NRXN3: variants seen among roughly 807,000 people sequenced by gnomAD.
NRXN3 encodes neurexin 3.
Under a neutral mutation model 137.6 loss-of-function variants are expected in NRXN3, and 32 were observed. The observed-to-expected ratio is 0.23, with a 90% CI of 0.18 to 0.31. The LOEUF (loss-of-function observed/expected upper bound fraction) is 0.31. NRXN3 is among the 10% of genes least tolerant of loss of function. The pLI is 1.00. For synonymous variants in NRXN3, 798 were observed against 784.5 expected (o/e 1.02, Z -0.29); for missense variants, 1,574 against 2,062.5 (o/e 0.76, Z 4.59).
chr14:78,451,879 T>C (rs2094560088), intron 4 of NRXN3, among the ~76,000 whole-genome samples: 1 of 152,242 alleles, frequency 6.6e-6, no homozygotes, highest in South Asian at 2.1e-4. Flanking sequence ...ATGTGCTAGA[T>C]CAAGTGGACA....
At chr14:79,053,897 A>G (rs1053893538) in intron 15 of NRXN3, among the ~76,000 whole-genome samples, 3 of 152,046 alleles carry the variant, frequency 2.0e-5, no homozygotes, top group African/African-American at 7.2e-5. Flanking sequence ...AAAGTCATGA[A>G]AAGATTTTAA....
chr14:79,766,722 A>G (rs557506872), intron 19 of NRXN3, among the ~76,000 whole-genome samples: 1 of 152,332 alleles, frequency 6.6e-6, no homozygotes, highest in African/African-American at 2.4e-5. Context: ...CTGGCGTCAA[A>G]CATTTCTTGA....
intron 6 of NRXN3, among the ~76,000 whole-genome samples, chr14:78,693,019 G>A (rs552285648): frequency 2.0e-5 from 3 of 152,054 alleles, no homozygotes; most frequent in African/African-American, 7.2e-5. Flanking sequence ...GGAGGTGGGG[G>A]TTGCAGTGAG....
chr14:78,465,190 A>T (rs1369297563), intron 4 of NRXN3, among the ~76,000 whole-genome samples: 1 of 152,070 alleles, frequency 6.6e-6, no homozygotes, highest in African/African-American at 2.4e-5. Flanking sequence ...ATTTCTAAAG[A>T]TGTATTAAAA....
intron 19 of NRXN3, among the ~76,000 whole-genome samples, chr14:79,713,478 G>GTATATATATATATATATA (rs76633474): frequency 3.0e-5 from 4 of 135,370 alleles, no homozygotes; most frequent in African/African-American, 1.1e-4. Flanking sequence ...TATATATAAT[G>GTATATATATATATATATA]TATATATATA....
At chr14:78,205,813 GA>G (rs1824272877) in intron 1 of NRXN3, among the ~76,000 whole-genome samples, 2 of 152,172 alleles carry the variant, frequency 1.3e-5, no homozygotes, top group African/African-American at 4.8e-5. Flanking sequence ...TTGTGTGCTC[GA>G]ACTGAAATTA....
At chr14:79,378,621 G>A (rs765360055) in intron 15 of NRXN3, among the ~76,000 whole-genome samples, 1 of 152,184 alleles carries the variant, frequency 6.6e-6, no homozygotes, top group Non-Finnish European at 1.5e-5. Flanking sequence ...TAGTTTACGT[G>A]TCAGTTTCCC....
At chr14:78,989,921 A>G (rs1240728034) in intron 15 of NRXN3, among the ~76,000 whole-genome samples, 1 of 152,166 alleles carries the variant, frequency 6.6e-6, no homozygotes, top group East Asian at 1.9e-4. Context: ...TGTCTTTGAC[A>G]AGTTCCTGTC....
chr14:78,311,694 A>G (rs1345448543), intron 4 of NRXN3, among the ~76,000 whole-genome samples: 1 of 152,012 alleles, frequency 6.6e-6, no homozygotes, highest in Non-Finnish European at 1.5e-5. Context: ...AGTAATCCTC[A>G]TAAAACCTGT....
chr14:79,861,501 C>T lies in NRXN3; in HGVS notation c.4253C>T (p.Ser1418Phe), dbSNP rs1428165284. The T allele has an allele frequency of 1.9e-6, 3 of 1,539,590 alleles. No individual in the cohort carries two copies. Among genetic ancestry groups the T allele is most frequent in the Non-Finnish European group, 2.6e-6 (3 of 1,147,344 alleles). Residue 1418 changes from serine to phenylalanine, a missense_variant, in exon 21 of 21, where the codon TCT becomes TTT. Around this residue, in one of 5 missense-constraint regions of NRXN3, gnomAD observed 320 missense variants for 387.1 expected, o/e 0.83. Transcript: ENST00000335750. This position sits in a 1 kb window ranked among gnomAD's most constrained non-coding sequence, Gnocchi z 5.4. ...ATCCGCTTCACAGCTTCCTCCTCGT[C>T]TGGGATGGTGCCCAAATTGCCAGCT... The part of the protein sequence containing the change: ...ELIRFTASSS[S>F]GMVPKLPAGK...
intron 11 of NRXN3, among the ~76,000 whole-genome samples, chr14:78,958,219 G>T (rs1027167456): frequency 6.6e-6 from 1 of 152,026 alleles, no homozygotes; most frequent in African/African-American, 2.4e-5. Flanking sequence ...TACCCATTTG[G>T]GCTGGAGAAA....
At chr14:79,584,031 A>G (rs938655375) in intron 16 of NRXN3, among the ~76,000 whole-genome samples, 4 of 152,216 alleles carry the variant, frequency 2.6e-5, no homozygotes, top group Non-Finnish European at 5.9e-5. Context: ...TGAAGTCATC[A>G]TAGACTTGCA....
intron 4 of NRXN3, among the ~76,000 whole-genome samples, chr14:78,503,862 G>A (rs753848321): frequency 8.5e-5 from 13 of 152,250 alleles, no homozygotes; most frequent in Non-Finnish European, 1.9e-4. Flanking sequence ...CCTTTCACTT[G>A]AAAGTGACTG....
intron 17 of NRXN3, among the ~76,000 whole-genome samples, chr14:79,688,468 C>T (rs1603430045): frequency 6.6e-6 from 1 of 152,212 alleles, no homozygotes; most frequent in East Asian, 1.9e-4. Context: ...AAGTTATTTT[C>T]CATGTTATAC....
intron 20 of NRXN3, among the ~76,000 whole-genome samples, chr14:79,833,580 A>C (rs865916728): frequency 3.9e-5 from 6 of 151,982 alleles, no homozygotes; most frequent in South Asian, 2.1e-4. Flanking sequence ...AAGAGCATGC[A>C]GCCTTCATCA....
intron 5 of NRXN3, among the ~76,000 whole-genome samples, chr14:78,645,859 A>G (rs2097682176): frequency 6.6e-6 from 1 of 152,112 alleles, no homozygotes; most frequent in South Asian, 2.1e-4. Context: ...CATTGCCACG[A>G]TGCCATAATT....
intron 6 of NRXN3, among the ~76,000 whole-genome samples, chr14:78,657,332 C>G (rs1183320855): frequency 6.6e-6 from 1 of 152,174 alleles, no homozygotes; most frequent in Non-Finnish European, 1.5e-5. Flanking sequence ...ATCACAGTTT[C>G]CTCCCACGTG....
intron 15 of NRXN3, among the ~76,000 whole-genome samples, chr14:79,264,528 G>A (rs1353077962): frequency 7.3e-6 from 1 of 137,358 alleles, no homozygotes; most frequent in Non-Finnish European, 1.5e-5. Flanking sequence ...CATGATGTGT[G>A]TGTGTGTGTG....
intron 11 of NRXN3, among the ~76,000 whole-genome samples, chr14:78,963,388 T>C (rs2099411876): frequency 6.6e-6 from 1 of 152,216 alleles, no homozygotes; most frequent in East Asian, 1.9e-4. Context: ...AGAATTAGCA[T>C]GACTAGCAGC....
Sources: allele counts gnomAD v4.1 joint callset (sites outside exome capture counted in the v4.1 genomes callset), GRCh38; gene constraint gnomAD v4.1.1; regional missense constraint gnomAD v4.1.1; non-coding constraint Gnocchi (gnomAD v3.1); transcripts MANE v1.5; gene names NCBI Gene and HGNC (gene_info 2026-07-23, HGNC 2026-07-21).